DSCAM: variants seen among roughly 807,000 people sequenced by gnomAD.
The protein encoded by DSCAM is cell adhesion molecule DSCAM.
DSCAM carries 47 observed loss-of-function variants against 217.7 expected under a neutral mutation model. That is an observed-to-expected ratio of 0.22 (90% CI 0.17 to 0.28). The LOEUF (loss-of-function observed/expected upper bound fraction) is 0.28, where lower values mean the gene tolerates loss of function less well. Among genes scored for constraint, DSCAM ranks in the 10% least tolerant of loss-of-function variants. The pLI, the probability that DSCAM is intolerant of heterozygous loss-of-function variation, is 1.00. For synonymous variants in DSCAM, 1,056 were observed against 1,015.3 expected, an observed-to-expected ratio of 1.04 and a Z score of -0.76; for missense variants, 2,080 against 2,618.3, an observed-to-expected ratio of 0.79 and a Z score of 4.49.
At chr21:40,498,781 G>GGGTGTATATA (rs2076148192) in intron 3 of DSCAM, among the ~76,000 whole-genome samples, 1 of 26,050 alleles carries the variant, frequency 3.8e-5, no homozygotes, top group Non-Finnish European at 6.8e-5. Context: ...ATATGGGTGT[G>GGGTGTATATA]TATATATATA....
intron 3 of DSCAM, among the ~76,000 whole-genome samples, chr21:40,508,754 TATATATATATATATATATATATATA>T (rs1568862810): frequency 0.017 from 80 of 4,806 alleles, 1 homozygote; most frequent in African/African-American, 0.034. Context: ...TATATATATA[TATATATATATATATATATATATATA>T]TATATTTTTT....
At chr21:40,625,374 G>A (rs1035597852) in intron 3 of DSCAM, among the ~76,000 whole-genome samples, 9 of 151,998 alleles carry the variant, frequency 5.9e-5, no homozygotes, top group Admixed American at 4.6e-4. Flanking sequence ...CCAGCTATCC[G>A]GCACTTTCCT....
intron 18 of DSCAM, among the ~76,000 whole-genome samples, chr21:40,140,040 C>T (rs77399482): frequency 0.063 from 9,522 of 151,758 alleles, 382 homozygotes; most frequent in East Asian, 0.11. Context: ...TATGTGGTGT[C>T]GGTCAGCAGT....
intron 3 of DSCAM, among the ~76,000 whole-genome samples, chr21:40,564,375 T>C (rs2076749185): frequency 6.6e-6 from 1 of 152,176 alleles, no homozygotes; most frequent in African/African-American, 2.4e-5. Context: ...CAGTAACTAA[T>C]CTTCAGAGTA....
intron 3 of DSCAM, among the ~76,000 whole-genome samples, chr21:40,553,729 T>G (rs898217802): frequency 6.6e-6 from 1 of 152,206 alleles, no homozygotes; most frequent in African/African-American, 2.4e-5. Flanking sequence ...CAGCAATTCA[T>G]GCTTCAATTC....
chr21:40,656,617 TC>T (rs2090079989), intron 3 of DSCAM, among the ~76,000 whole-genome samples: 1 of 152,212 alleles, frequency 6.6e-6, no homozygotes, highest in African/African-American at 2.4e-5. Flanking sequence ...CCATCACGCT[TC>T]TGTGTCACCG....
intron 3 of DSCAM, among the ~76,000 whole-genome samples, chr21:40,676,316 A>C (rs8134184): frequency 0.42 from 63,826 of 152,056 alleles, 13,589 homozygotes; most frequent in Non-Finnish European, 0.44. Context: ...AAGCATGTGC[A>C]GAGTCCTATC....
intron 3 of DSCAM, among the ~76,000 whole-genome samples, chr21:40,579,474 A>T (rs1330810560): frequency 3.9e-5 from 6 of 152,186 alleles, no homozygotes; most frequent in Non-Finnish European, 8.8e-5. Context: ...AGAAGACGAA[A>T]GAAGAGACAA....
chr21:40,673,062 A>G (rs1601838961), intron 3 of DSCAM, among the ~76,000 whole-genome samples: 2 of 152,334 alleles, frequency 1.3e-5, no homozygotes, highest in Admixed American at 6.5e-5. Flanking sequence ...AAGGCCCTTC[A>G]TATGCAGGCT....
chr21:40,488,883 C>T (rs545195621), intron 3 of DSCAM, among the ~76,000 whole-genome samples: 7 of 152,196 alleles, frequency 4.6e-5, no homozygotes, highest in Admixed American at 1.3e-4. Flanking sequence ...GAGTTCACAG[C>T]GATTTCAAAG....
At chr21:40,672,805 T>A (rs1169800561) in intron 3 of DSCAM, among the ~76,000 whole-genome samples, 1 of 152,004 alleles carries the variant, frequency 6.6e-6, no homozygotes, top group Non-Finnish European at 1.5e-5. Flanking sequence ...CACCCCCACA[T>A]CTAATCTATC....
Position 40,339,180 on chromosome 21 carries a change from G to A in DSCAM, c.1446C>T (p.Tyr482=). The change falls in exon 7 of 33, where the codon TAC becomes TAT. Residue 482 remains tyrosine (Y), a synonymous_variant. Coordinates refer to ENST00000400454, the MANE Select transcript of DSCAM (RefSeq NM_001389.5). ...SSSQVRDGGV[Y]RCTANNSAGV... is the part of the protein sequence containing the mutation. ...CCGCCGAGTTGTTGGCAGTGCAGCG[G>A]TAGACTCCCCCGTCCCGGACCTGGG... The A allele has an allele frequency of 6.2e-7, 1 of 1,614,206 alleles. No homozygotes were observed. The highest frequency in any genetic ancestry group is 8.5e-7 in the Non-Finnish European group (1 of 1,180,034).
At chr21:40,046,697 ATTC>A (rs2088846791) in intron 30 of DSCAM, among the ~76,000 whole-genome samples, 1 of 151,500 alleles carries the variant, frequency 6.6e-6, no homozygotes, top group South Asian at 2.1e-4. Context: ...TCTCATTTTT[ATTC>A]TTCTTTAAGT....
In DSCAM at chr21:40,179,021, G is replaced by A; in HGVS notation, c.2853C>T (p.His951=). 1 of 1,614,040 alleles carries A rather than the reference G, an allele frequency of 6.2e-7. No homozygotes were observed. Among genetic ancestry groups the A allele is most frequent in the Non-Finnish European group, 8.5e-7 (1 of 1,180,010 alleles). ...QLNSATIIDI[H]PSSTYSIRMY... ...TGCGGATGCTGTAGGTGGAGGAAGG[G>A]TGGATATCAATGATGGTGGCCGAGT... Residue 951 remains histidine, a synonymous_variant, in exon 15 of 33, where the codon CAC becomes CAT. Transcript: ENST00000400454.
chr21:40,026,707 T>A lies in DSCAM; in HGVS notation c.5687-13321A>T, dbSNP rs931856081. 4.0e-4 allele frequency among the ~76,000 whole-genome samples: 59 copies of A among 148,636 alleles called. 1 individual carries two copies. Among genetic ancestry groups the A allele is most frequent in the Admixed American group, 2.8e-3 (42 of 14,818 alleles). On this transcript the variant is annotated intron_variant, in intron 32 of 32. Coordinates refer to ENST00000400454, the MANE Select transcript of DSCAM (RefSeq NM_001389.5). ...CTAGGATTGCAACCCCTGCCTTTTT[T>A]TGTTTTCCATTTGCTTGGTAGATCT...
In DSCAM at chr21:40,813,856, A is replaced by G. The variant is rs553109420; in HGVS notation, c.43+32763T>C. Among the ~76,000 whole-genome samples, 110 of 152,222 alleles carry G rather than the reference A, an allele frequency of 7.2e-4. 2 individuals are homozygous for G. The South Asian group carries it at 0.022, about 31-fold the overall frequency. ...GAGACAGGGTTTCACCACCTTGGCCAGGCTGGTCTTGAACTCCTGACCTAG... is the reference window on the plus strand; with the variant it reads ...GAGACAGGGTTTCACCACCTTGGCCGGGCTGGTCTTGAACTCCTGACCTAG... On this transcript the variant is annotated intron_variant, in intron 1 of 32. Coordinates refer to ENST00000400454, the MANE Select transcript of DSCAM (RefSeq NM_001389.5).
chr21:40,210,418 G>A (rs532949450), intron 11 of DSCAM, among the ~76,000 whole-genome samples: 3 of 152,338 alleles, frequency 2.0e-5, no homozygotes, highest in Admixed American at 2.0e-4. Context: ...GTAGAGTCCT[G>A]TGTGTCCTTT....
At position 40,691,892 on chromosome 21, in the gene DSCAM, A is replaced by C. The variant is rs114380881; in HGVS notation, c.508+918T>G. 4.8e-3 allele frequency among the ~76,000 whole-genome samples: 732 copies of C among 152,338 alleles called. 3 individuals are homozygous for C. The highest frequency in any genetic ancestry group is 0.017 in the African/African-American group (692 of 41,576). On this transcript the variant is annotated intron_variant, in intron 3 of 32. Coordinates refer to ENST00000400454, the MANE Select transcript of DSCAM (RefSeq NM_001389.5). ...CTAGCTAATCAATAAGCTGAGAAAC[A>C]AAAACGGTGTGTCACCGTGAGGGTT...
chr21:40,791,453 G>A (rs2091642155), intron 1 of DSCAM, among the ~76,000 whole-genome samples: 1 of 152,042 alleles, frequency 6.6e-6, no homozygotes, highest in Non-Finnish European at 1.5e-5. Context: ...AGGAGATCGA[G>A]ACCATCCTGG....
Sources: gnomAD v4.1 joint callset for allele counts (sites outside exome capture counted in the v4.1 genomes callset) on GRCh38, gnomAD v4.1.1 for gene constraint, MANE v1.5 for transcripts, NCBI Gene and HGNC (gene_info 2026-07-23, HGNC 2026-07-21) for gene names.